Variants in CYTH1 observed in about 807,000 individuals in gnomAD.
CYTH1 encodes cytohesin-1.
A neutral mutation model predicts 61.8 loss-of-function variants in CYTH1; 18 were observed. That is an observed-to-expected ratio of 0.29 (90% CI 0.20 to 0.43). CYTH1 has a LOEUF of 0.43. Ranked by LOEUF, CYTH1 falls within the 20% of genes least tolerant of loss-of-function variation. The probability of loss-of-function intolerance (pLI) is 1.00; values close to 1 mark genes in which losing one functional copy is unlikely to be tolerated. For missense variants in CYTH1, 336 were observed against 510.5 expected, an observed-to-expected ratio of 0.66 and a Z score of 3.29; for synonymous variants, 174 against 184.3, an observed-to-expected ratio of 0.94 and a Z score of 0.45.
At chr17:78,756,921 T>C (rs2093403405) in intron 1 of CYTH1, among the ~76,000 whole-genome samples, 1 of 150,924 alleles carries the variant, frequency 6.6e-6, no homozygotes, top group African/African-American at 2.4e-5. Flanking sequence ...CCAATAAACA[T>C]GGCAAAAATT....
chr17:78,701,854 G>A, intron 5 of CYTH1, 103 bp from the exon 6 acceptor site: 1 of 1,199,438 alleles, frequency 8.3e-7, no homozygotes, highest in East Asian at 2.3e-5. Context: ...CTGTGGTCCT[G>A]TGGCTCCTGC....
intron 3 of CYTH1, among the ~76,000 whole-genome samples, chr17:78,703,627 A>T (rs990122251): frequency 7.9e-5 from 12 of 152,098 alleles, no homozygotes; most frequent in Non-Finnish European, 1.3e-4. Flanking sequence ...CTATTAATCT[A>T]TTGTCTGTCT....
At chr17:78,710,979 G>A (rs565924610) in intron 1 of CYTH1, among the ~76,000 whole-genome samples, 29 of 152,136 alleles carry the variant, frequency 1.9e-4, no homozygotes, top group Admixed American at 8.5e-4. Context: ...AATATACACC[G>A]AGGCCGGGCA....
chr17:78,681,793 G>A (rs775793123), intron 11 of CYTH1, among the ~76,000 whole-genome samples: 33 of 150,126 alleles, frequency 2.2e-4, no homozygotes, highest in Non-Finnish European at 4.0e-4. Flanking sequence ...GGCCCAGATA[G>A]CGCCACTGCA....
rs527662246 is a variant in CYTH1, at chr17:78,766,678, A to G, written c.22+15524T>C. On this transcript the variant is annotated intron_variant, in intron 1 of 13. Coordinates refer to ENST00000446868, the MANE Select transcript of CYTH1 (RefSeq NM_004762.6). ...AACTCTGTCCAAACTATATCAAGAT[A>G]CAAAACTCTGTATCCACTCCCAGAA... is the stretch of plus-strand genomic sequence containing the variant. Among the ~76,000 whole-genome samples the G allele has an allele frequency of 1.8e-3, 273 of 152,368 alleles. 1 individual carries two copies. The highest frequency in any genetic ancestry group is 2.8e-3 in the Non-Finnish European group (193 of 68,032).
intron 1 of CYTH1, among the ~76,000 whole-genome samples, chr17:78,741,406 C>T (rs188865728): frequency 5.9e-5 from 9 of 151,404 alleles, no homozygotes; most frequent in Admixed American, 3.3e-4. Context: ...GAAAAAAAAA[C>T]GTGAATATTT....
intron 1 of CYTH1, among the ~76,000 whole-genome samples, chr17:78,720,302 G>A (rs1156469578): frequency 6.6e-6 from 1 of 151,918 alleles, no homozygotes; most frequent in African/African-American, 2.4e-5. Context: ...TAATACCCCC[G>A]GCACTTTGAT....
intron 10 of CYTH1, among the ~76,000 whole-genome samples, chr17:78,694,937 C>T (rs1051636488): frequency 4.6e-5 from 7 of 152,058 alleles, no homozygotes; most frequent in Admixed American, 3.9e-4. Flanking sequence ...GATCAATGTG[C>T]GCCTAGGACA....
intron 11 of CYTH1, among the ~76,000 whole-genome samples, chr17:78,685,997 C>A (rs1236357963): frequency 6.6e-6 from 1 of 152,168 alleles, no homozygotes; most frequent in African/African-American, 2.4e-5. Flanking sequence ...GTAACAGTTT[C>A]CTGAAATACG....
At chr17:78,752,989 T>C (rs2093386399) in intron 1 of CYTH1, among the ~76,000 whole-genome samples, 1 of 152,154 alleles carries the variant, frequency 6.6e-6, no homozygotes, top group South Asian at 2.1e-4. Flanking sequence ...CAAGAAAAAG[T>C]ACACTCAGGA....
chr17:78,781,523 C>T (rs2093517669), intron 1 of CYTH1, among the ~76,000 whole-genome samples: 1 of 152,148 alleles, frequency 6.6e-6, no homozygotes, highest in African/African-American at 2.4e-5. Flanking sequence ...CCTCGGGCTC[C>T]ACACCCGCGT....
intron 1 of CYTH1, among the ~76,000 whole-genome samples, chr17:78,777,947 A>G (rs2093499646): frequency 6.6e-6 from 1 of 152,194 alleles, no homozygotes; most frequent in African/African-American, 2.4e-5. Context: ...AGCACTGTTG[A>G]AAACAGCGCA....
chr17:78,774,308 A>C (rs1730286489), intron 1 of CYTH1, among the ~76,000 whole-genome samples: 1 of 152,226 alleles, frequency 6.6e-6, no homozygotes, highest in Non-Finnish European at 1.5e-5. Context: ...TTTTCTAAGA[A>C]GGTGTTCACT....
At chr17:78,686,606 C>A (rs749921821) in intron 11 of CYTH1, among the ~76,000 whole-genome samples, 2 of 152,072 alleles carry the variant, frequency 1.3e-5, no homozygotes, top group Non-Finnish European at 1.5e-5. Context: ...TCTTTCCTCT[C>A]GGATTGTAAG....
intron 1 of CYTH1, among the ~76,000 whole-genome samples, chr17:78,724,566 C>T (rs2093255033): frequency 6.6e-6 from 1 of 152,224 alleles, no homozygotes; most frequent in Non-Finnish European, 1.5e-5. Flanking sequence ...CAATTCCCCA[C>T]AACCAGGTTT....
intron 1 of CYTH1, among the ~76,000 whole-genome samples, chr17:78,755,491 T>TTAAAAA (rs1555614472): frequency 7.7e-6 from 1 of 129,844 alleles, no homozygotes; most frequent in African/African-American, 3.0e-5. Context: ...TGGGTTTATT[T>TTAAAAA]AAAAAAAAAA....
intron 3 of CYTH1, among the ~76,000 whole-genome samples, chr17:78,705,697 G>A (rs1294160197): frequency 6.6e-6 from 1 of 152,116 alleles, no homozygotes; most frequent in Non-Finnish European, 1.5e-5. Flanking sequence ...GGGATGTGCA[G>A]AATCACTTCC....
chr17:78,690,342 C>T (rs1421642224), intron 11 of CYTH1, among the ~76,000 whole-genome samples: 1 of 125,322 alleles, frequency 8.0e-6, no homozygotes, highest in Non-Finnish European at 1.6e-5. Flanking sequence ...TGCAGTGAGC[C>T]GAGATCGTGC....
chr17:78,691,413 T>A (rs1228572574), intron 11 of CYTH1: 1 of 152,258 alleles, frequency 6.6e-6, no homozygotes, highest in Non-Finnish European at 1.5e-5. Context: ...CGTGTACCTG[T>A]TTCTTGGTCC....
Sources: allele counts gnomAD v4.1 joint callset (sites outside exome capture counted in the v4.1 genomes callset), GRCh38; gene constraint gnomAD v4.1.1; transcripts MANE v1.5; gene names NCBI Gene and HGNC (gene_info 2026-07-23, HGNC 2026-07-21).